Variants in GABRR2 observed in about 807,000 individuals in gnomAD.
GABRR2 encodes gamma-aminobutyric acid receptor subunit rho-2.
GABRR2 carries 36 observed loss-of-function variants against 47.0 expected under a neutral mutation model. The ratio of observed to expected loss-of-function variants is 0.77; its 90% confidence interval spans 0.59 to 1.01. GABRR2 has a LOEUF of 1.01. GABRR2 is among the 50% of genes least tolerant of loss of function. The probability of loss-of-function intolerance (pLI) is 0.00; values close to 1 mark genes in which losing one functional copy is unlikely to be tolerated. For synonymous variants in GABRR2, 204 were observed against 227.5 expected (o/e 0.90, Z 0.93); for missense variants, 587 against 594.6 (o/e 0.99, Z 0.13).
In GABRR2 at chr6:89,280,124, G is replaced by T. The variant is rs529573488; in HGVS notation, c.221-8402C>A. On this transcript the variant is annotated intron_variant, in intron 2 of 8. Coordinates refer to ENST00000402938, the MANE Select transcript of GABRR2 (RefSeq NM_002043.5). ...ACTTGGAGGCTGAGGTAGGAGAATC[G>T]CTTGAACCCGGGAAGTGGAGGTTGC... Among the ~76,000 whole-genome samples the T allele has an allele frequency of 1.6e-4, 24 of 151,208 alleles. No individual in the cohort carries two copies. In the East Asian group the frequency reaches 4.7e-3, roughly 30 times the overall value.
At chr6:89,270,718 G>A (rs1311905357) in intron 3 of GABRR2, among the ~76,000 whole-genome samples, 1 of 152,200 alleles carries the variant, frequency 6.6e-6, no homozygotes, top group African/African-American at 2.4e-5. Flanking sequence ...TGACAGCATT[G>A]CAAGTGGGAT....
At chr6:89,264,287 C>G in intron 8 of GABRR2, 125 bp downstream of exon 8, 1 of 1,140,778 alleles carries the variant, frequency 8.8e-7, no homozygotes, top group Admixed American at 2.8e-5. Context: ...AAACAAGATC[C>G]TCCTCGTTTT....
At chr6:89,313,743 C>A (rs532644488) in intron 1 of GABRR2, among the ~76,000 whole-genome samples, 1 of 152,098 alleles carries the variant, frequency 6.6e-6, no homozygotes, top group Non-Finnish European at 1.5e-5. Context: ...ATGGTGAAAC[C>A]CTGTCTCTAC....
In GABRR2 at chr6:89,276,117, CATTATTTATATTATATACATTATAAATT is replaced by C. The variant is rs1330453848; in HGVS notation, c.221-4423_221-4396del. Among the ~76,000 whole-genome samples, 3 of 146,682 alleles carry C rather than the reference CATTATTTATATTATATACATTATAAATT, an allele frequency of 2.0e-5. No individual in the cohort carries two copies. In the East Asian group the frequency reaches 5.9e-4, roughly 29 times the overall value. ...TATTTATATTATATACATTATAAAT[CATTATTTATATTATATACATTATAAATT>C]ATTATTTATATTATTATATAAATAA... is the stretch of plus-strand genomic sequence containing the variant. On this transcript the variant is annotated intron_variant, in intron 2 of 8. Coordinates refer to ENST00000402938, the MANE Select transcript of GABRR2 (RefSeq NM_002043.5).
chr6:89,287,503 T>C (rs186791321), intron 2 of GABRR2, among the ~76,000 whole-genome samples: 141 of 152,350 alleles, frequency 9.3e-4, no homozygotes, highest in African/African-American at 3.2e-3. Flanking sequence ...GTCTTTGTCA[T>C]GTCTGCGTCT....
At chr6:89,288,421 A>C (rs1421865745) in intron 2 of GABRR2, among the ~76,000 whole-genome samples, 6 of 152,154 alleles carry the variant, frequency 3.9e-5, no homozygotes, top group African/African-American at 1.2e-4. Flanking sequence ...CAGCCCAGGC[A>C]CCAGACACAA....
At chr6:89,271,861 G>C in intron 2 of GABRR2, 139 bp from the exon 3 acceptor site, 1 of 672,590 alleles carries the variant, frequency 1.5e-6, no homozygotes, top group East Asian at 2.8e-5. Flanking sequence ...AGGGTTTCTT[G>C]CTGGTTCCTG....
chr6:89,267,861 C>T, intron 5 of GABRR2, 42 bp from the exon 6 acceptor site: 1 of 1,604,118 alleles, frequency 6.2e-7, no homozygotes, highest in Non-Finnish European at 8.5e-7. Flanking sequence ...TCCTTCGCTT[C>T]TGATGCAGGG....
Position 89,315,236 on chromosome 6 carries a change from A to T in GABRR2, c.-71T>A, listed in dbSNP as rs377142027. On this transcript the variant is annotated 5_prime_UTR_variant, in exon 1 of 9. Transcript: ENST00000402938. ...GGCAGAGCAAATCCCCCCTGGCTTG[A>T]CCATTGATCCATCTGCTGCCTCCTG... 5.4e-5 allele frequency: 86 copies of T among 1,606,554 alleles called. No individual in the cohort carries two copies. Among genetic ancestry groups the T allele is most frequent in the Non-Finnish European group, 7.1e-5 (83 of 1,175,680 alleles).
chr6:89,284,166 G>A (rs188926848), intron 2 of GABRR2, among the ~76,000 whole-genome samples: 1 of 152,274 alleles, frequency 6.6e-6, no homozygotes, highest in East Asian at 1.9e-4. Context: ...CCCTTGGGAA[G>A]TACCAAGGGT....
intron 2 of GABRR2, among the ~76,000 whole-genome samples, chr6:89,273,408 AT>A (rs994934412): frequency 6.6e-6 from 1 of 151,994 alleles, no homozygotes; most frequent in African/African-American, 2.4e-5. Context: ...AATTTTTTGT[AT>A]TTTTAGTAGA....
At position 89,265,673 on chromosome 6, in the gene GABRR2, T is replaced by C; in HGVS notation, c.829A>G (p.Met277Val). ...ATCCAGAAGGACACCCAGGACAGCA[T>C]GACCATCAGAGTGGCAGGGAAATAT... ...QTYFPATLMVMLSWVSFWIDR... is the reference protein window; with the variant it reads ...QTYFPATLMVVLSWVSFWIDR... The change falls in exon 7 of 9, where the codon ATG becomes GTG. Residue 277 changes from methionine to valine, a missense_variant. Physicochemically the swap from Met to Val is conservative, Grantham distance 21. Coordinates refer to ENST00000402938, the MANE Select transcript of GABRR2 (RefSeq NM_002043.5). 1 of 1,614,166 alleles carries C rather than the reference T, an allele frequency of 6.2e-7. No homozygotes were observed. The highest frequency in any genetic ancestry group is 8.5e-7 in the Non-Finnish European group (1 of 1,180,018).
intron 2 of GABRR2, among the ~76,000 whole-genome samples, chr6:89,282,980 C>T (rs1361826897): frequency 2.6e-5 from 4 of 152,254 alleles, no homozygotes. Context: ...GTCACACTCA[C>T]TAGCTGAGGA....
Position 89,315,031 on chromosome 6 carries a change from C to G in GABRR2, c.113+22G>C, listed in dbSNP as rs1414361278. The G allele has an allele frequency of 3.7e-6, 6 of 1,605,404 alleles. No individual in the cohort carries two copies. The Admixed American group carries it at 5.0e-5, about 13-fold the overall frequency. On this transcript the variant is annotated intron_variant, in intron 1 of 8. Transcript: ENST00000402938. The stretch of plus-strand genomic sequence containing the variant: ...TGCTACTATGCAGGGTAACCTCCCT[C>G]CTTTCCCACCTATGACTTTACCTTG...
rs377686478 is a variant in GABRR2, at chr6:89,299,815, G to A, written c.164C>T (p.Pro55Leu). 3 of 1,613,824 alleles carry A rather than the reference G, an allele frequency of 1.9e-6. No individual in the cohort carries two copies. The highest frequency in any genetic ancestry group is 1.7e-5 in the Admixed American group (1 of 60,010). Reference sequence around the variant, plus strand: ...CTCGTCCACTCTGAGAAGCTGCTGAGGCTTTCCCTTCCGGATCTTGGTCAC... The same window carrying A: ...CTCGTCCACTCTGAGAAGCTGCTGAAGCTTTCCCTTCCGGATCTTGGTCAC... ...LDVTKIRKGK[P>L]QQLLRVDEHD... The change falls in exon 2 of 9, where the codon CCT becomes CTT. Residue 55 changes from proline to leucine, a missense_variant. Physicochemically the swap from Pro to Leu is moderately conservative, Grantham distance 98. Coordinates refer to ENST00000402938, the MANE Select transcript of GABRR2 (RefSeq NM_002043.5).
rs1562361817 is a variant in GABRR2 at position 89,271,640 on chromosome 6, G to A, written c.288+15C>T. ...TACAGGCTCTCACGCTGTGTCACTGGAGGCCGCTGCATACCATGTCCACCT... is the reference window on the plus strand; with the variant it reads ...TACAGGCTCTCACGCTGTGTCACTGAAGGCCGCTGCATACCATGTCCACCT... On this transcript the variant is annotated intron_variant, in intron 3 of 8. Coordinates refer to ENST00000402938, the MANE Select transcript of GABRR2 (RefSeq NM_002043.5). The A allele has an allele frequency of 6.2e-7, 1 of 1,606,650 alleles. No individual in the cohort carries two copies. The highest frequency in any genetic ancestry group is 2.2e-5 in the East Asian group (1 of 44,598).
Position 89,268,887 on chromosome 6 carries a change from A to T in GABRR2, c.512+124T>A, listed in dbSNP as rs548869077. ...TGTTTAGATAGTTCTGACTAGCATC[A>T]GAAGGCTCCTCCCATCCACGAACCC... On this transcript the variant is annotated intron_variant, in intron 4 of 8. Coordinates refer to ENST00000402938, the MANE Select transcript of GABRR2 (RefSeq NM_002043.5). The T allele has an allele frequency of 4.2e-5, 32 of 765,964 alleles. No homozygotes were observed. The South Asian group carries it at 5.3e-4, about 13-fold the overall frequency. 47.4% of individuals were successfully genotyped at this position (765,964 alleles called of 1,614,324 possible). A position where few individuals can be genotyped will look rare whatever the true frequency, so the allele number is the denominator to read the frequency against.
At chr6:89,267,981 G>T (rs1773943930) in intron 5 of GABRR2, 33 bp downstream of exon 5, 1 of 1,597,516 alleles carries the variant, frequency 6.3e-7, no homozygotes, top group African/African-American at 1.3e-5. Context: ...AGAGAGGAAA[G>T]AAAGTGAAGG....
At chr6:89,284,727 A>G (rs1236745414) in intron 2 of GABRR2, among the ~76,000 whole-genome samples, 1 of 152,182 alleles carries the variant, frequency 6.6e-6, no homozygotes, top group Non-Finnish European at 1.5e-5. Flanking sequence ...ACCCAGCGAG[A>G]CCCATTCCGG....
Sources: allele counts gnomAD v4.1 joint callset (sites outside exome capture counted in the v4.1 genomes callset), GRCh38; gene constraint gnomAD v4.1.1; transcripts MANE v1.5; gene names NCBI Gene and HGNC (gene_info 2026-07-23, HGNC 2026-07-21).